The following AGMO variants were observed in gnomAD, a reference collection of about 807,000 sequenced individuals.
AGMO encodes alkylglycerol monooxygenase, also known as glyceryl-ether monooxygenase.
A neutral mutation model predicts 60.2 loss-of-function variants in AGMO; 75 were observed. The ratio of observed to expected loss-of-function variants is 1.25; its 90% CI spans 1.03 to 1.51. The LOEUF (loss-of-function observed/expected upper bound fraction) is 1.51, where lower values mean the gene tolerates loss of function less well. AGMO is among the 40% of genes most tolerant of loss of function. AGMO has a pLI of 0.00. For synonymous variants in AGMO, 261 were observed against 177.1 expected (o/e 1.47, Z -3.76); for missense variants, 763 against 525.5 (o/e 1.45, Z -4.42).
At chr7:15,140,744 T>A in the AGMO span, among the ~76,000 whole-genome samples, 2 of 152,172 alleles carry the variant, frequency 1.3e-5, no homozygotes, top group African/African-American at 4.8e-5. Context: ...TCTTTCAAAT[T>A]TTTGGATTTT....
chr7:15,227,007 TAA>T (rs1329593528), intron 12 of AGMO, among the ~76,000 whole-genome samples: 2 of 152,022 alleles, frequency 1.3e-5, no homozygotes, highest in Non-Finnish European at 1.5e-5. Context: ...ATTTCCTGAG[TAA>T]TTACTTGAAA....
At chr7:15,487,920 G>T (rs1782964305) in intron 3 of AGMO, among the ~76,000 whole-genome samples, 1 of 151,946 alleles carries the variant, frequency 6.6e-6, no homozygotes, top group South Asian at 2.1e-4. Flanking sequence ...CATCTCCTGA[G>T]AAAAATAATC....
rs375134821 is a variant in AGMO, at chr7:15,545,611, G to A, written c.258-688C>T. 9.2e-5 allele frequency among the ~76,000 whole-genome samples: 14 copies of A among 151,942 alleles called. No homozygotes were observed. In the East Asian group the frequency reaches 1.2e-3, roughly 13 times the overall value. On this transcript the variant is annotated intron_variant, in intron 2 of 12. Coordinates refer to ENST00000342526, the MANE Select transcript of AGMO (RefSeq NM_001004320.2). ...TAATATTAGGAAAAATATTTCCTTC[G>A]AAGTAAGGTATACAAACCTAATTAA...
intron 12 of AGMO, among the ~76,000 whole-genome samples, chr7:15,278,454 G>A (rs1192612716): frequency 6.6e-6 from 1 of 152,232 alleles, no homozygotes; most frequent in East Asian, 1.9e-4. Context: ...GACTGGGCCA[G>A]TGAACTAGTT....
the AGMO span, among the ~76,000 whole-genome samples, chr7:15,176,971 T>C: frequency 1.3e-5 from 2 of 151,996 alleles, no homozygotes; most frequent in Non-Finnish European, 2.9e-5. Flanking sequence ...GACCAAGACA[T>C]GTCATTTAAT....
In AGMO at chr7:15,371,618, G is replaced by A. The variant is rs145725884; in HGVS notation, c.1075-5396C>T. Among the ~76,000 whole-genome samples the A allele has an allele frequency of 9.9e-3, 1,502 of 152,076 alleles. 25 individuals carry two copies. Among genetic ancestry groups the A allele is most frequent in the African/African-American group, 0.034 (1,390 of 41,484 alleles). On this transcript the variant is annotated intron_variant, in intron 10 of 12. Transcript: ENST00000342526. ...CACCATGTTGACCAGGCTTGGTCTCGAACTCCTGACCTCAGGTGATCTGCC... is the reference window on the plus strand; with the variant it reads ...CACCATGTTGACCAGGCTTGGTCTCAAACTCCTGACCTCAGGTGATCTGCC...
chr7:15,258,224 T>C (rs1435147688), intron 12 of AGMO, among the ~76,000 whole-genome samples: 1 of 152,206 alleles, frequency 6.6e-6, no homozygotes, highest in African/African-American at 2.4e-5. Context: ...GCACACAATC[T>C]GAAATAAATT....
intron 12 of AGMO, among the ~76,000 whole-genome samples, chr7:15,308,726 ATAAT>A (rs1780683254): frequency 6.6e-6 from 1 of 152,196 alleles, no homozygotes; most frequent in African/African-American, 2.4e-5. Flanking sequence ...TACAGCACAT[ATAAT>A]GAAAATATAA....
At chr7:15,198,508 A>G (rs887086646), downstream of AGMO, among the ~76,000 whole-genome samples, 2 of 152,204 alleles carry the variant, frequency 1.3e-5, no homozygotes, top group Non-Finnish European at 2.9e-5. Context: ...CTGCCAGGAC[A>G]GAGCCGATTT....
the AGMO span, among the ~76,000 whole-genome samples, chr7:15,173,670 A>G: frequency 6.6e-6 from 1 of 152,102 alleles, no homozygotes; most frequent in Non-Finnish European, 1.5e-5. Flanking sequence ...ATAACCATAT[A>G]CTATTAATAT....
intron 12 of AGMO, among the ~76,000 whole-genome samples, chr7:15,357,441 A>G (rs1024602525): frequency 2.6e-5 from 4 of 152,164 alleles, no homozygotes; most frequent in Non-Finnish European, 5.9e-5. Context: ...TCAGCGTGGT[A>G]GACGGATAAA....
rs181811250 is a variant in AGMO at position 15,343,438 on chromosome 7, G to A, written c.1263+22076C>T. On this transcript the variant is annotated intron_variant, in intron 12 of 12. Transcript: ENST00000342526. ...ATAAGGCAGACAGCCCCAAATCTTA[G>A]GATTAAGAGATTTTAGAATGAAAGG... Among the ~76,000 whole-genome samples the A allele has an allele frequency of 4.4e-4, 67 of 152,102 alleles. 1 individual carries two copies. The South Asian group carries it at 0.013, about 31-fold the overall frequency.
intron 12 of AGMO, among the ~76,000 whole-genome samples, chr7:15,254,372 C>T (rs1040521537): frequency 1.3e-5 from 2 of 152,106 alleles, no homozygotes; most frequent in South Asian, 2.1e-4. Flanking sequence ...CAGAGTTCCC[C>T]TTTCTCTACA....
intron 12 of AGMO, among the ~76,000 whole-genome samples, chr7:15,337,448 C>A (rs1250844929): frequency 6.6e-6 from 1 of 152,098 alleles, no homozygotes; most frequent in Non-Finnish European, 1.5e-5. Context: ...TTGCACAACT[C>A]AAGGAGACAC....
chr7:15,159,533 T>C, the AGMO span, among the ~76,000 whole-genome samples: 1 of 152,144 alleles, frequency 6.6e-6, no homozygotes. Context: ...ATTTAAAAAA[T>C]AATTCTGTCA....
the AGMO span, among the ~76,000 whole-genome samples, chr7:15,144,462 T>C: frequency 6.6e-6 from 1 of 152,178 alleles, no homozygotes; most frequent in African/African-American, 2.4e-5. Flanking sequence ...CAGAAAAGTA[T>C]AAGAAATGCA....
chr7:15,385,645 A>C, intron 9 of AGMO, 83 bp from the exon 10 acceptor site: 3 of 780,812 alleles, frequency 3.8e-6, no homozygotes, highest in Non-Finnish European at 6.5e-6. Context: ...TATTTGAAAA[A>C]AGTATCTGCT....
intron 12 of AGMO, among the ~76,000 whole-genome samples, chr7:15,327,510 G>C (rs1781376564): frequency 6.6e-6 from 1 of 152,014 alleles, no homozygotes; most frequent in Admixed American, 6.6e-5. Flanking sequence ...GAATGCATCA[G>C]CCACCAAATT....
At chr7:15,125,226 T>C in the AGMO span, among the ~76,000 whole-genome samples, 2 of 152,094 alleles carry the variant, frequency 1.3e-5, no homozygotes, top group African/African-American at 2.4e-5. Context: ...GCTTCTCCAG[T>C]TGAAATGTTG....
Sources: allele counts gnomAD v4.1 joint callset (sites outside exome capture counted in the v4.1 genomes callset), GRCh38; gene constraint gnomAD v4.1.1; transcripts MANE v1.5; gene names NCBI Gene and HGNC (gene_info 2026-07-23, HGNC 2026-07-21).